Variants in CNTN5 observed in about 807,000 individuals in gnomAD.
The protein encoded by CNTN5 is contactin 5, also known as contactin-5.
A neutral mutation model predicts 129.1 loss-of-function variants in CNTN5; 77 were observed. The ratio of observed to expected loss-of-function variants is 0.60; its 90% CI spans 0.50 to 0.72. The LOEUF (loss-of-function observed/expected upper bound fraction) is 0.72, where lower values mean the gene tolerates loss of function less well. CNTN5 is among the 30% of genes least tolerant of loss of function. CNTN5 has a pLI of 0.00. For missense variants in CNTN5, 1,478 were observed against 1,328.8 expected (o/e 1.11, Z -1.75); for synonymous variants, 509 against 465.6 (o/e 1.09, Z -1.20).
chr11:100,074,372 AAAGAG>A, intron 13 of CNTN5, 78 bp downstream of exon 13: 4 of 1,228,230 alleles, frequency 3.3e-6, no homozygotes, highest in Non-Finnish European at 4.6e-6. Flanking sequence ...ACTATGCAAG[AAAGAG>A]TCTTGCAGTA....
chr11:99,699,137 T>C (rs1954405442), intron 3 of CNTN5, among the ~76,000 whole-genome samples: 1 of 151,404 alleles, frequency 6.6e-6, no homozygotes, highest in South Asian at 2.1e-4. Flanking sequence ...GTAAAGCCAT[T>C]TCTTGTTCAT....
At chr11:99,640,209 C>A (rs551097844) in intron 3 of CNTN5, among the ~76,000 whole-genome samples, 1 of 152,208 alleles carries the variant, frequency 6.6e-6, no homozygotes, top group African/African-American at 2.4e-5. Context: ...TCCAAAATTG[C>A]TTCCATGTTT....
intron 3 of CNTN5, among the ~76,000 whole-genome samples, chr11:99,758,806 A>T (rs1944485155): frequency 6.6e-6 from 1 of 152,106 alleles, no homozygotes; most frequent in African/African-American, 2.4e-5. Flanking sequence ...AGCAAAAATT[A>T]TGCAAGCATT....
At chr11:99,245,437 G>A (rs887489655) in intron 1 of CNTN5, among the ~76,000 whole-genome samples, 3 of 152,014 alleles carry the variant, frequency 2.0e-5, no homozygotes, top group South Asian at 2.1e-4. Flanking sequence ...TCCTGACTCC[G>A]CCTCCCAAGT....
At chr11:99,511,899 G>A (rs1008220125) in intron 2 of CNTN5, among the ~76,000 whole-genome samples, 1 of 150,958 alleles carries the variant, frequency 6.6e-6, no homozygotes, top group Non-Finnish European at 1.5e-5. Flanking sequence ...TTTTTGTATA[G>A]CTCTACAATG....
At chr11:99,433,405 T>A (rs61892056) in intron 2 of CNTN5, among the ~76,000 whole-genome samples, 3 of 148,086 alleles carry the variant, frequency 2.0e-5, no homozygotes, top group Non-Finnish European at 3.0e-5. Context: ...GTGTGTGTCT[T>A]TGTGTGTGTG....
intron 24 of CNTN5, among the ~76,000 whole-genome samples, chr11:100,354,600 G>T (rs939346473): frequency 6.6e-6 from 1 of 151,596 alleles, no homozygotes; most frequent in African/African-American, 2.4e-5. Flanking sequence ...ACTAGAGTAA[G>T]CATAGTCATG....
chr11:99,380,008 A>G (rs1055932408), intron 2 of CNTN5, among the ~76,000 whole-genome samples: 1 of 152,058 alleles, frequency 6.6e-6, no homozygotes, highest in East Asian at 1.9e-4. Flanking sequence ...GTGTGAATAT[A>G]GTTATGTGTC....
chr11:99,428,040 C>T (rs1943208510), intron 2 of CNTN5, among the ~76,000 whole-genome samples: 1 of 151,774 alleles, frequency 6.6e-6, no homozygotes, highest in Admixed American at 6.6e-5. Context: ...CTCTTTTAGC[C>T]TAATTATTCC....
At chr11:100,109,778 T>C (rs1945582983) in intron 13 of CNTN5, among the ~76,000 whole-genome samples, 1 of 152,196 alleles carries the variant, frequency 6.6e-6, no homozygotes, top group African/African-American at 2.4e-5. Flanking sequence ...AAAATATCAA[T>C]ATCGGCTTTA....
chr11:99,188,349 G>A (rs1858458584), intron 1 of CNTN5, among the ~76,000 whole-genome samples: 1 of 151,734 alleles, frequency 6.6e-6, no homozygotes, highest in Non-Finnish European at 1.5e-5. Context: ...TTTGCTAGTG[G>A]TGTCCAAGTC....
intron 3 of CNTN5, among the ~76,000 whole-genome samples, chr11:99,662,245 A>G (rs1324592910): frequency 6.6e-6 from 1 of 152,188 alleles, no homozygotes; most frequent in Non-Finnish European, 1.5e-5. Flanking sequence ...TAATAATGAC[A>G]TAAAATTAGC....
At chr11:99,519,842 G>A (rs1414691596) in intron 2 of CNTN5, among the ~76,000 whole-genome samples, 1 of 152,064 alleles carries the variant, frequency 6.6e-6, no homozygotes, top group Non-Finnish European at 1.5e-5. Flanking sequence ...ACCCTAACTA[G>A]ACTGCAGGTT....
chr11:99,905,456 G>T (rs183621829), intron 6 of CNTN5, among the ~76,000 whole-genome samples: 1 of 152,268 alleles, frequency 6.6e-6, no homozygotes, highest in East Asian at 1.9e-4. Flanking sequence ...TTGTAGATGT[G>T]TGGCATTATA....
chr11:99,606,586 G>T (rs1164983740), intron 3 of CNTN5, among the ~76,000 whole-genome samples: 1 of 136,824 alleles, frequency 7.3e-6, no homozygotes, highest in Non-Finnish European at 1.6e-5. Context: ...TCAAAGAATT[G>T]GAAAAAACTA....
intron 18 of CNTN5, among the ~76,000 whole-genome samples, chr11:100,285,603 G>C (rs1243123501): frequency 2.0e-5 from 3 of 152,210 alleles, no homozygotes; most frequent in South Asian, 2.1e-4. Flanking sequence ...TTGAATGAAA[G>C]ACTATGCTAA....
intron 6 of CNTN5, 129 bp from the exon 7 acceptor site, chr11:99,915,922 CCTT>C: frequency 1.5e-6 from 1 of 662,518 alleles, no homozygotes; most frequent in Non-Finnish European, 2.7e-6. Flanking sequence ...TATGTTAAAG[CCTT>C]CTTGTCACTG....
At chr11:99,134,414 A>T (rs1250124334) in intron 1 of CNTN5, among the ~76,000 whole-genome samples, 1 of 152,228 alleles carries the variant, frequency 6.6e-6, no homozygotes, top group Non-Finnish European at 1.5e-5. Flanking sequence ...TAAAAAAATA[A>T]GTATAAACTT....
chr11:99,857,708 C>T (rs1483516238), intron 6 of CNTN5, among the ~76,000 whole-genome samples: 1 of 151,836 alleles, frequency 6.6e-6, no homozygotes. Context: ...CTAAGATACC[C>T]CCGAAAAATA....
Sources: allele counts gnomAD v4.1 joint callset (sites outside exome capture counted in the v4.1 genomes callset), GRCh38; gene constraint gnomAD v4.1.1; transcripts MANE v1.5; gene names NCBI Gene and HGNC (gene_info 2026-07-23, HGNC 2026-07-21).